Variants in KHDRBS2 observed in about 807,000 individuals in gnomAD.
KHDRBS2 encodes the protein KH domain-containing, RNA-binding, signal transduction-associated protein 2.
KHDRBS2 carries 26 observed loss-of-function variants against 44.3 expected under a neutral mutation model. That is an observed-to-expected ratio of 0.59 (90% CI 0.43 to 0.81). The LOEUF is 0.81. Ranked by LOEUF, KHDRBS2 falls within the 40% of genes least tolerant of loss-of-function variation. KHDRBS2 has a pLI of 0.00. For synonymous variants in KHDRBS2, 194 were observed against 151.1 expected (o/e 1.28, Z -2.08); for missense variants, 476 against 433.1 (o/e 1.10, Z -0.88).
the KHDRBS2 span, among the ~76,000 whole-genome samples, chr6:61,603,447 C>T: frequency 6.6e-6 from 1 of 152,182 alleles, no homozygotes; most frequent in Non-Finnish European, 1.5e-5. Flanking sequence ...CAGCAAATTA[C>T]CTGGGCTGTA....
chr6:61,930,255 TTTC>T (rs1809758194), intron 4 of KHDRBS2, among the ~76,000 whole-genome samples: 1 of 152,068 alleles, frequency 6.6e-6, no homozygotes, highest in Non-Finnish European at 1.5e-5. Flanking sequence ...GAAATAAATT[TTTC>T]TTCTTTATAA....
intron 2 of KHDRBS2, among the ~76,000 whole-genome samples, chr6:62,102,189 C>CCA: frequency 6.6e-6 from 1 of 151,804 alleles, no homozygotes; most frequent in Non-Finnish European, 1.5e-5. Flanking sequence ...AAGAATAAAC[C>CCA]CAAAGTTTTT....
intron 3 of KHDRBS2, among the ~76,000 whole-genome samples, chr6:61,991,958 G>A (rs1776221945): frequency 6.6e-6 from 1 of 152,146 alleles, no homozygotes; most frequent in African/African-American, 2.4e-5. Context: ...TTTTACTTTG[G>A]ACAGATGCAT....
rs1242384412 is a variant in KHDRBS2 at position 61,848,558 on chromosome 6, T to TAC, written c.810+46076_810+46077insGT. Among the ~76,000 whole-genome samples the TAC allele has an allele frequency of 5.9e-3, 222 of 37,314 alleles. 24 individuals carry two copies. The highest frequency in any genetic ancestry group is 0.022 in the African/African-American group (188 of 8,544). The allele number at this position is 37,314 out of a possible 152,430, so 24.5% of individuals were successfully genotyped here. A position where few individuals can be genotyped will look rare whatever the true frequency, so the allele number is the denominator to read the frequency against. On this transcript the variant is annotated intron_variant, in intron 6 of 8. Coordinates refer to ENST00000281156, the MANE Select transcript of KHDRBS2 (RefSeq NM_152688.4). The stretch of plus-strand genomic sequence containing the variant: ...ATATATATGTATATATATACATATA[T>TAC]ATATGTATATATATATACATATATA...
chr6:61,658,917 AT>A, the KHDRBS2 span, among the ~76,000 whole-genome samples: 1 of 151,902 alleles, frequency 6.6e-6, no homozygotes, highest in South Asian at 2.1e-4. Context: ...ACGACAAGGA[AT>A]TTCAACAATC....
chr6:61,761,547 C>G (rs1411068551), intron 6 of KHDRBS2, among the ~76,000 whole-genome samples: 1 of 152,034 alleles, frequency 6.6e-6, no homozygotes, highest in Non-Finnish European at 1.5e-5. Flanking sequence ...GTATCTGGTA[C>G]TATTTTTTCT....
At chr6:61,953,934 A>G (rs1483397732) in intron 4 of KHDRBS2, among the ~76,000 whole-genome samples, 1 of 152,202 alleles carries the variant, frequency 6.6e-6, no homozygotes, top group African/African-American at 2.4e-5. Context: ...AACTTAAAGA[A>G]GACCTATGAC....
intron 3 of KHDRBS2, among the ~76,000 whole-genome samples, chr6:61,987,258 T>C (rs1340964985): frequency 1.3e-5 from 2 of 152,198 alleles, no homozygotes; most frequent in Non-Finnish European, 2.9e-5. Context: ...ATAGGAAGTA[T>C]CTTAGTTTTA....
At chr6:61,953,455 C>A (rs1265989994) in intron 4 of KHDRBS2, among the ~76,000 whole-genome samples, 2 of 151,876 alleles carry the variant, frequency 1.3e-5, no homozygotes, top group Admixed American at 1.3e-4. Flanking sequence ...TGACTCAGAA[C>A]CATCTAAACT....
At chr6:62,118,523 TAAA>T (rs1806834157) in intron 2 of KHDRBS2, among the ~76,000 whole-genome samples, 1 of 152,172 alleles carries the variant, frequency 6.6e-6, no homozygotes, top group Non-Finnish European at 1.5e-5. Flanking sequence ...CAATGTTTCT[TAAA>T]ATACCAGTGT....
chr6:62,059,321 CAT>C (rs1432907720), intron 2 of KHDRBS2, among the ~76,000 whole-genome samples: 4 of 134,266 alleles, frequency 3.0e-5, no homozygotes, highest in Non-Finnish European at 6.2e-5. Flanking sequence ...AAAGAAAAAA[CAT>C]ATGGGGCAGA....
At chr6:62,064,349 C>CT (rs1792943180) in intron 2 of KHDRBS2, among the ~76,000 whole-genome samples, 1 of 148,086 alleles carries the variant, frequency 6.8e-6, no homozygotes, top group South Asian at 2.2e-4. Context: ...AAGAACAAAG[C>CT]TGGAGGCATC....
chr6:62,108,293 C>T (rs1461143360), intron 2 of KHDRBS2, among the ~76,000 whole-genome samples: 2 of 152,168 alleles, frequency 1.3e-5, no homozygotes, highest in African/African-American at 4.8e-5. Flanking sequence ...AGGACATGAA[C>T]AGACACTTCT....
At chr6:61,931,470 T>C (rs1810038809) in intron 4 of KHDRBS2, among the ~76,000 whole-genome samples, 2 of 152,026 alleles carry the variant, frequency 1.3e-5, no homozygotes, top group African/African-American at 2.4e-5. Context: ...GTGCTAAAGA[T>C]ATATATATAC....
chr6:61,972,107 A>G (rs776375841), intron 4 of KHDRBS2, among the ~76,000 whole-genome samples: 3 of 152,164 alleles, frequency 2.0e-5, no homozygotes, highest in Non-Finnish European at 2.9e-5. Flanking sequence ...TCCAGTAATC[A>G]TGAGTCTTTT....
rs186962332 is a variant in KHDRBS2 at position 61,972,499 on chromosome 6, T to A, written c.483+5567A>T. 1.6e-3 allele frequency among the ~76,000 whole-genome samples: 248 copies of A among 152,304 alleles called. 2 individuals are homozygous for A. The highest frequency in any genetic ancestry group is 5.6e-3 in the African/African-American group (234 of 41,572). Reference sequence around the variant, plus strand: ...TGGCTTTGTGCTTACTGCCATTAGCTACCACACTATTAGAATATGGTTAGT... The same window carrying A: ...TGGCTTTGTGCTTACTGCCATTAGCAACCACACTATTAGAATATGGTTAGT... On this transcript the variant is annotated intron_variant, in intron 4 of 8. Transcript: ENST00000281156.
At chr6:62,062,495 C>T (rs575816713) in intron 2 of KHDRBS2, among the ~76,000 whole-genome samples, 12 of 152,074 alleles carry the variant, frequency 7.9e-5, no homozygotes, top group South Asian at 6.2e-4. Context: ...CGCTCAGCTA[C>T]GTGGAAACTG....
At chr6:62,239,844 C>A (rs536057574) in intron 1 of KHDRBS2, among the ~76,000 whole-genome samples, 1 of 151,702 alleles carries the variant, frequency 6.6e-6, no homozygotes, top group Non-Finnish European at 1.5e-5. Flanking sequence ...CACCACCATG[C>A]CCGACCAATT....
At chr6:61,596,904 C>A in the KHDRBS2 span, among the ~76,000 whole-genome samples, 11 of 152,094 alleles carry the variant, frequency 7.2e-5, no homozygotes, top group African/African-American at 2.7e-4. Context: ...CCTGCCTCAA[C>A]CTCCCAAAGT....
Sources: allele counts gnomAD v4.1 joint callset (sites outside exome capture counted in the v4.1 genomes callset), GRCh38; gene constraint gnomAD v4.1.1; transcripts MANE v1.5; gene names NCBI Gene and HGNC (gene_info 2026-07-23, HGNC 2026-07-21).